Variants in ECHS1 observed in about 807,000 individuals in gnomAD.
ECHS1 encodes enoyl-CoA hydratase, mitochondrial.
ECHS1 carries 19 observed loss-of-function variants against 33.5 expected under a neutral mutation model. The ratio of observed to expected loss-of-function variants is 0.57; its 90% CI spans 0.40 to 0.83. The LOEUF (loss-of-function observed/expected upper bound fraction) is 0.83. ECHS1 is among the 40% of genes least tolerant of loss of function. ECHS1 has a pLI of 0.00. For missense variants in ECHS1, 365 were observed against 381.3 expected (o/e 0.96, Z 0.36); for synonymous variants, 158 against 146.6 (o/e 1.08, Z -0.56).
At chr10:133,364,612 G>A in intron 7 of ECHS1, 46 bp downstream of exon 7, 1 of 1,437,538 alleles carries the variant, frequency 7.0e-7, no homozygotes, top group Non-Finnish European at 9.8e-7. Context: ...AGCAACTTGT[G>A]TGACTGGAAT....
rs373661920 is a variant in ECHS1, at chr10:133,362,732, C to T, written c.*136G>A. Reference sequence around the variant, plus strand: ...TGTCATGCCGTGAGAGGTCGGGCCACGACCACGCAGCAATTGGAGAGGAAC... The same window carrying T: ...TGTCATGCCGTGAGAGGTCGGGCCATGACCACGCAGCAATTGGAGAGGAAC... On this transcript the variant is annotated 3_prime_UTR_variant, in exon 8 of 8. Coordinates refer to ENST00000368547, the MANE Select transcript of ECHS1 (RefSeq NM_004092.4). 1.1e-4 allele frequency: 113 copies of T among 1,005,832 alleles called. No individual in the cohort carries two copies. Among genetic ancestry groups the T allele is most frequent in the East Asian group, 4.4e-4 (18 of 40,822 alleles). 62.3% of individuals were successfully genotyped at this position (1,005,832 alleles called of 1,614,324 possible).
intron 4 of ECHS1, among the ~76,000 whole-genome samples, 179 bp downstream of exon 4, chr10:133,368,744 C>T (rs1291214787): frequency 6.6e-5 from 10 of 152,158 alleles, no homozygotes; most frequent in Non-Finnish European, 1.0e-4. Flanking sequence ...TCTAAGGCCC[C>T]CCCCAAGCTC....
rs1385126631 is a variant in ECHS1 at position 133,368,943 on chromosome 10, A to T, written c.494T>A (p.Ile165Asn). 1 of 1,613,454 alleles carries T rather than the reference A, an allele frequency of 6.2e-7. No homozygotes were observed. The highest frequency in any genetic ancestry group is 8.5e-7 in the Non-Finnish European group (1 of 1,179,900). ...GEKAQFAQPE[I>N]LIGTIPGAGG... is the part of the protein sequence containing the mutation. ...TTTACCTGGGATGGTTCCTATTAAG[A>T]TCTCCGGCTGTGCAAACTGGGCCTT... Residue 165 changes from isoleucine to asparagine, a missense_variant, in exon 4 of 8, where the codon ATC becomes AAC. Coordinates refer to ENST00000368547, the MANE Select transcript of ECHS1 (RefSeq NM_004092.4).
intron 1 of ECHS1, 128 bp from the exon 2 acceptor site, chr10:133,370,885 G>A (rs1166215919): frequency 1.9e-5 from 16 of 849,826 alleles, no homozygotes; most frequent in South Asian, 5.8e-5. Flanking sequence ...GCTCCCTGCC[G>A]AGTCCTCAGT....
intron 1 of ECHS1, among the ~76,000 whole-genome samples, chr10:133,372,250 T>C (rs1301199114): frequency 6.6e-6 from 1 of 152,192 alleles, no homozygotes; most frequent in Non-Finnish European, 1.5e-5. Context: ...AGTGGTCCAC[T>C]GCTACACAGG....
chr10:133,366,593 C>T (rs140308157), intron 5 of ECHS1, among the ~76,000 whole-genome samples: 10 of 151,494 alleles, frequency 6.6e-5, no homozygotes, highest in East Asian at 2.0e-4. Context: ...GGATGCTGCC[C>T]GGGGTTTCTG....
At chr10:133,373,024 TG>T (rs1220464242) in intron 1 of ECHS1, among the ~76,000 whole-genome samples, 416 of 13,536 alleles carry the variant, frequency 0.031, 15 homozygotes, top group Middle Eastern at 0.1. Flanking sequence ...CGGGGTCAGG[TG>T]GGGGGGTGCG....
Position 133,363,259 on chromosome 10 carries a change from CA to C in ECHS1, c.808-327del, listed in dbSNP as rs772046142. On this transcript the variant is annotated intron_variant, in intron 7 of 7. Coordinates refer to ENST00000368547, the MANE Select transcript of ECHS1 (RefSeq NM_004092.4). ...CAACTGGATGATGGGTGGCCTGTAT[CA>C]GGGGCTACTCTGTGTTGGAGTAGGA... Among the ~76,000 whole-genome samples, 3 of 152,334 alleles carry C rather than the reference CA, an allele frequency of 2.0e-5. No homozygotes were observed. In the East Asian group the frequency reaches 5.8e-4, roughly 29 times the overall value.
In ECHS1 at chr10:133,373,252, C is replaced by A. The variant is rs772023125; in HGVS notation, c.82G>T (p.Ala28Ser). The change falls in exon 1 of 8, where the codon GCC (alanine) becomes TCC (serine). Residue 28 changes from alanine to serine, a missense_variant. Physicochemically the swap from Ala to Ser is moderately conservative, Grantham distance 99. Transcript: ENST00000368547. ...GCTCTCACCGCGCACTCACCCGAGG[C>A]GAAGGGACGCCAGGCGGGACAGCGA... ...PVRCPAWRPF[A>S]SGANFEYIIA... 5.8e-5 allele frequency: 84 copies of A among 1,438,670 alleles called. No homozygotes were observed. Among genetic ancestry groups the A allele is most frequent in the Non-Finnish European group, 7.2e-5 (79 of 1,104,364 alleles). The allele number at this position is 1,438,670 out of a possible 1,614,324, so 89.1% of individuals were successfully genotyped here.
At chr10:133,364,186 C>G (rs911785099) in intron 7 of ECHS1, among the ~76,000 whole-genome samples, 1 of 152,118 alleles carries the variant, frequency 6.6e-6, no homozygotes, top group Non-Finnish European at 1.5e-5. Flanking sequence ...CTCAGGCAAT[C>G]CACCCGCCTC....
At chr10:133,363,202 G>C (rs1848986325) in intron 7 of ECHS1, among the ~76,000 whole-genome samples, 1 of 152,260 alleles carries the variant, frequency 6.6e-6, no homozygotes, top group Admixed American at 6.5e-5. Flanking sequence ...AAGAGCCTCA[G>C]ATGCACCCAT....
chr10:133,373,171 G>C (rs1849139550), intron 1 of ECHS1, 75 bp downstream of exon 1: 2 of 1,240,576 alleles, frequency 1.6e-6, no homozygotes, highest in Non-Finnish European at 2.1e-6. Context: ...GGGGGGTGCG[G>C]TCTGGGATCT....
Position 133,373,281 on chromosome 10 carries a change from G to C in ECHS1, c.53C>G (p.Pro18Arg), listed in dbSNP as rs1239306124. 2 of 1,474,684 alleles carry C rather than the reference G, an allele frequency of 1.4e-6. No homozygotes were observed. Among genetic ancestry groups the C allele is most frequent in the Non-Finnish European group, 1.8e-6 (2 of 1,118,788 alleles). The allele number at this position is 1,474,684 out of a possible 1,614,324, so 91.3% of individuals were successfully genotyped here. Reference protein sequence around the residue: ...LSCVRGPLRPPVRCPAWRPFA... With the variant: ...LSCVRGPLRPRVRCPAWRPFA... ...GGGACGCCAGGCGGGACAGCGAACC[G>C]GGGGCCTCAGCGGGCCGCGGACGCA... The change falls in exon 1 of 8, where the codon CCG becomes CGG. Residue 18 changes from proline (P) to arginine (R), a missense_variant. By Grantham distance (103) the Pro-to-Arg change is moderately radical. Coordinates refer to ENST00000368547, the MANE Select transcript of ECHS1 (RefSeq NM_004092.4).
chr10:133,373,317 A>C lies in ECHS1; in HGVS notation c.17T>G (p.Val6Gly). The C allele has an allele frequency of 2.0e-6, 3 of 1,503,808 alleles. No homozygotes were observed. Among genetic ancestry groups the C allele is most frequent in the Non-Finnish European group, 2.6e-6 (3 of 1,132,102 alleles). 93.2% of individuals were successfully genotyped at this position (1,503,808 alleles called of 1,614,324 possible). A position where few individuals can be genotyped will look rare whatever the true frequency, so the allele number is the denominator to read the frequency against. Residue 6 changes from valine (V) to glycine (G), a missense_variant, in exon 1 of 8, where the codon GTC becomes GGC. Transcript: ENST00000368547. ...CGGGCCGCGGACGCAGGACAGCAGG[A>C]CACGCAGGGCGGCCATGGCTCTCTG... MAALR[V>G]LLSCVRGPLR... is the part of the protein sequence containing the mutation.
At chr10:133,367,017 C>G (rs562449957) in intron 4 of ECHS1, 24 bp from the exon 5 acceptor site, 1 of 1,587,252 alleles carries the variant, frequency 6.3e-7, no homozygotes, top group South Asian at 1.1e-5. Flanking sequence ...CTGGTCATGG[C>G]TGGCACTGTG....
intron 1 of ECHS1, 57 bp from the exon 2 acceptor site, chr10:133,370,814 GT>G: frequency 6.5e-7 from 1 of 1,544,426 alleles, no homozygotes; most frequent in Non-Finnish European, 8.8e-7. Flanking sequence ...ACTGGGGAGA[GT>G]GGGGGAAGGG....
At chr10:133,367,664 C>T (rs908245959) in intron 4 of ECHS1, among the ~76,000 whole-genome samples, 3 of 151,758 alleles carry the variant, frequency 2.0e-5, no homozygotes, top group Non-Finnish European at 2.9e-5. Flanking sequence ...CGCAGTCATC[C>T]GGAGGCCTAA....
chr10:133,367,462 G>T (rs1488571958), intron 4 of ECHS1, among the ~76,000 whole-genome samples: 1 of 151,602 alleles, frequency 6.6e-6, no homozygotes, highest in Non-Finnish European at 1.5e-5. Context: ...GACCTAGAAG[G>T]CAAGAGGTGA....
intron 4 of ECHS1, among the ~76,000 whole-genome samples, chr10:133,368,685 C>T (rs572840983): frequency 5.3e-5 from 8 of 152,162 alleles, no homozygotes; most frequent in Non-Finnish European, 1.2e-4. Flanking sequence ...TACCCAGGAC[C>T]AGCCTCTCCC....
Sources: gnomAD v4.1 joint callset for allele counts (sites outside exome capture counted in the v4.1 genomes callset) on GRCh38, gnomAD v4.1.1 for gene constraint, MANE v1.5 for transcripts, NCBI Gene and HGNC (gene_info 2026-07-23, HGNC 2026-07-21) for gene names.